The following ITPK1 variants were observed in gnomAD, a reference collection of about 807,000 sequenced individuals.
ITPK1 encodes the protein inositol 1,3,4-trisphosphate 5/6-kinase.
In ITPK1, 21 loss-of-function variants were observed where a neutral mutation model predicts 45.3. The observed-to-expected ratio is 0.46, with a 90% CI of 0.33 to 0.67. The LOEUF is 0.67. ITPK1 is among the 30% of genes least tolerant of loss of function. The pLI is 0.02. For missense variants in ITPK1, 474 were observed against 573.5 expected (o/e 0.83, Z 1.77); for synonymous variants, 258 against 253.6 (o/e 1.02, Z -0.16).
chr14:93,007,749 T>A (rs1887694552), intron 4 of ITPK1, among the ~76,000 whole-genome samples: 1 of 152,226 alleles, frequency 6.6e-6, no homozygotes, highest in South Asian at 2.1e-4. Context: ...CTGTTCCACA[T>A]GTCAGCCATC....
At chr14:92,983,631 G>A (rs570174576) in intron 5 of ITPK1, among the ~76,000 whole-genome samples, 2 of 152,228 alleles carry the variant, frequency 1.3e-5, no homozygotes, top group East Asian at 1.9e-4. Flanking sequence ...CACATCAATC[G>A]AGGTGGGTAC....
chr14:93,000,070 C>T (rs536899858), intron 4 of ITPK1, among the ~76,000 whole-genome samples: 3 of 152,292 alleles, frequency 2.0e-5, no homozygotes, highest in South Asian at 4.1e-4. Flanking sequence ...TTGCAGCGTG[C>T]GGCAGTGCTT....
chr14:92,974,765 G>GC (rs1240874935), intron 5 of ITPK1, among the ~76,000 whole-genome samples: 1 of 151,958 alleles, frequency 6.6e-6, no homozygotes, highest in Non-Finnish European at 1.5e-5. Flanking sequence ...ATGGCAAAAG[G>GC]CCCATGGGGC....
At chr14:93,031,775 G>T (rs919409991) in intron 3 of ITPK1, among the ~76,000 whole-genome samples, 3 of 152,100 alleles carry the variant, frequency 2.0e-5, no homozygotes, top group Admixed American at 1.3e-4. Context: ...GTTTATTTTT[G>T]CTGACAATAA....
At chr14:92,989,818 T>C (rs1384049724) in intron 5 of ITPK1, among the ~76,000 whole-genome samples, 1 of 152,088 alleles carries the variant, frequency 6.6e-6, no homozygotes, top group African/African-American at 2.4e-5. Context: ...GGTATGGGTA[T>C]AGGCATGGCT....
chr14:92,962,460 T>C (rs1216652376), intron 6 of ITPK1, 65 bp from the exon 7 acceptor site: 3 of 1,080,088 alleles, frequency 2.8e-6, no homozygotes, highest in East Asian at 2.4e-5. Context: ...AGGCAGGTAC[T>C]TGGCACGTCT....
At chr14:93,106,223 G>T (rs912648312) in intron 2 of ITPK1, among the ~76,000 whole-genome samples, 8 of 151,956 alleles carry the variant, frequency 5.3e-5, no homozygotes, top group African/African-American at 1.9e-4. Flanking sequence ...GAACACAAAG[G>T]CTGGACTGAA....
At chr14:93,073,042 G>C (rs376811211) in intron 3 of ITPK1, among the ~76,000 whole-genome samples, 1 of 152,180 alleles carries the variant, frequency 6.6e-6, no homozygotes, top group African/African-American at 2.4e-5. Context: ...TCTCACACTC[G>C]GTCAGGTCTG....
intron 8 of ITPK1, among the ~76,000 whole-genome samples, chr14:92,957,379 T>C (rs1420155992): frequency 6.6e-6 from 1 of 152,234 alleles, no homozygotes; most frequent in African/African-American, 2.4e-5. Flanking sequence ...GAACGTGCCT[T>C]AGAGATGCCT....
intron 3 of ITPK1, among the ~76,000 whole-genome samples, chr14:93,018,633 A>G (rs1247654538): frequency 6.6e-6 from 1 of 152,164 alleles, no homozygotes; most frequent in Admixed American, 6.5e-5. Flanking sequence ...CATAAAATAA[A>G]ACCAAAACCA....
intron 4 of ITPK1, among the ~76,000 whole-genome samples, chr14:92,999,973 G>A (rs1887254522): frequency 6.6e-6 from 1 of 151,956 alleles, no homozygotes. Flanking sequence ...GCCTATTCTG[G>A]GCATTTCCTT....
At chr14:93,015,772 G>T (rs1217104154) in intron 4 of ITPK1, among the ~76,000 whole-genome samples, 1 of 152,226 alleles carries the variant, frequency 6.6e-6, no homozygotes, top group Non-Finnish European at 1.5e-5. Flanking sequence ...AGGAAGCAAG[G>T]GGGGCCAAGG....
At chr14:92,982,191 T>A (rs902121055) in intron 5 of ITPK1, among the ~76,000 whole-genome samples, 9 of 152,224 alleles carry the variant, frequency 5.9e-5, no homozygotes, top group African/African-American at 2.2e-4. Flanking sequence ...GCAGGCAGAA[T>A]CTAAGTCAAC....
intron 2 of ITPK1, among the ~76,000 whole-genome samples, chr14:93,082,665 C>T (rs1459771515): frequency 6.6e-6 from 1 of 152,214 alleles, no homozygotes; most frequent in Non-Finnish European, 1.5e-5. Context: ...CACGCCCACT[C>T]CAGGGGTGGG....
At chr14:92,970,638 A>ATTT (rs796634667) in intron 5 of ITPK1, among the ~76,000 whole-genome samples, 4 of 143,762 alleles carry the variant, frequency 2.8e-5, no homozygotes, top group African/African-American at 7.6e-5. Context: ...TCGCAGCATC[A>ATTT]TTTTTTTTTT....
chr14:93,108,276 TA>T (rs1199729766), intron 2 of ITPK1, among the ~76,000 whole-genome samples: 1 of 152,244 alleles, frequency 6.6e-6, no homozygotes, highest in Admixed American at 6.5e-5. Flanking sequence ...TGCTACTTTT[TA>T]AAAGGGAAGT....
intron 3 of ITPK1, among the ~76,000 whole-genome samples, chr14:93,017,110 T>C (rs914618830): frequency 5.9e-5 from 9 of 152,140 alleles, no homozygotes; most frequent in Non-Finnish European, 1.0e-4. Flanking sequence ...AGGGCAATAG[T>C]GTCAACAGGC....
intron 5 of ITPK1, among the ~76,000 whole-genome samples, chr14:92,987,239 T>C (rs927486714): frequency 3.3e-5 from 5 of 152,092 alleles, no homozygotes; most frequent in African/African-American, 1.2e-4. Context: ...GAAGAGGAGA[T>C]GGCACAGAAA....
chr14:92,993,521 C>T (rs1255810253), intron 5 of ITPK1, among the ~76,000 whole-genome samples: 1 of 152,134 alleles, frequency 6.6e-6, no homozygotes, highest in Non-Finnish European at 1.5e-5. Flanking sequence ...TGTTTGTGTC[C>T]TCCGCGCAGT....
Sources: gnomAD v4.1 joint callset for allele counts (sites outside exome capture counted in the v4.1 genomes callset) on GRCh38, gnomAD v4.1.1 for gene constraint, MANE v1.5 for transcripts, NCBI Gene and HGNC (gene_info 2026-07-23, HGNC 2026-07-21) for gene names.